The following ANK2 variants were observed in gnomAD, a reference collection of about 807,000 sequenced individuals.
ANK2 encodes ankyrin 2.
ANK2 carries 83 observed loss-of-function variants against 360.5 expected under a neutral mutation model. That is an observed-to-expected ratio of 0.23 (90% CI 0.19 to 0.28). The LOEUF (loss-of-function observed/expected upper bound fraction) is 0.28. Ranked by LOEUF, ANK2 falls within the 10% of genes least tolerant of loss-of-function variation. The pLI is 1.00. For synonymous variants in ANK2, 1,740 were observed against 1,759.5 expected (o/e 0.99, Z 0.28); for missense variants, 4,201 against 4,795.7 (o/e 0.88, Z 3.66).
chr4:113,342,357 A>G (rs991061785), intron 33 of ANK2, among the ~76,000 whole-genome samples: 1 of 152,078 alleles, frequency 6.6e-6, no homozygotes. Context: ...CCATCAGTGT[A>G]GGTCTTTGGG....
chr4:112,865,115 G>A (rs1030815795), intron 1 of ANK2, among the ~76,000 whole-genome samples: 3 of 143,956 alleles, frequency 2.1e-5, no homozygotes, highest in African/African-American at 7.6e-5. Flanking sequence ...TAGCATTAGT[G>A]CAACATGTGG....
intron 22 of ANK2, among the ~76,000 whole-genome samples, chr4:113,297,332 C>CT (rs1436721050): frequency 1.3e-5 from 2 of 152,140 alleles, no homozygotes; most frequent in African/African-American, 4.8e-5. Flanking sequence ...AGTGCAGAAT[C>CT]TTTTTAAACT....
At chr4:112,948,857 A>T (rs1470824105) in intron 2 of ANK2, among the ~76,000 whole-genome samples, 2 of 152,166 alleles carry the variant, frequency 1.3e-5, no homozygotes, top group Non-Finnish European at 2.9e-5. Context: ...TGAGGGAATG[A>T]GGCTAGTGAG....
At chr4:113,302,336 C>T (rs1220736809) in intron 22 of ANK2, among the ~76,000 whole-genome samples, 2 of 152,216 alleles carry the variant, frequency 1.3e-5, no homozygotes, top group Non-Finnish European at 2.9e-5. Flanking sequence ...ATATCTTTCA[C>T]ATTATTTACA....
At chr4:112,724,095 C>G in the ANK2 span, among the ~76,000 whole-genome samples, 1 of 143,438 alleles carries the variant, frequency 7.0e-6, no homozygotes, top group Non-Finnish European at 1.5e-5. Flanking sequence ...GACAGAGTGT[C>G]GCTCTGTCAC....
chr4:112,916,027 G>T lies in ANK2; in HGVS notation c.21+11513G>T, dbSNP rs144892680. ...GTGTTTTTAATTGTCAGATATTATTGATATTTAGATGCTCCATTGAGAAAA... is the reference window on the plus strand; with the variant it reads ...GTGTTTTTAATTGTCAGATATTATTTATATTTAGATGCTCCATTGAGAAAA... On this transcript the variant is annotated intron_variant, in intron 2 of 30. Coordinates refer to the ANK2 transcript ENST00000503271. Among the ~76,000 whole-genome samples, 11 of 152,168 alleles carry T rather than the reference G, an allele frequency of 7.2e-5. No individual in the cohort carries two copies. In the East Asian group the frequency reaches 2.1e-3, roughly 29 times the overall value.
intron 2 of ANK2, among the ~76,000 whole-genome samples, chr4:113,191,235 C>T (rs1427001991): frequency 9.2e-5 from 14 of 152,008 alleles, no homozygotes; most frequent in African/African-American, 2.9e-4. Context: ...ACCAACTACT[C>T]GGGAGACGGA....
At chr4:113,002,620 C>T (rs1473302635) in intron 2 of ANK2, among the ~76,000 whole-genome samples, 2 of 152,228 alleles carry the variant, frequency 1.3e-5, no homozygotes, top group Non-Finnish European at 2.9e-5. Context: ...ACCTGTACTA[C>T]AGACCTTTGT....
intron 2 of ANK2, among the ~76,000 whole-genome samples, chr4:113,040,007 C>G (rs1189587285): frequency 6.6e-6 from 1 of 151,872 alleles, no homozygotes; most frequent in Non-Finnish European, 1.5e-5. Flanking sequence ...AAAATGTTTA[C>G]AGTAATAAAT....
chr4:113,039,546 C>G (rs899907871), intron 2 of ANK2, among the ~76,000 whole-genome samples: 72 of 151,448 alleles, frequency 4.8e-4, no homozygotes, highest in African/African-American at 1.7e-3. Flanking sequence ...TTTTTTTTCT[C>G]ACTCTCAGAG....
At chr4:113,277,440 G>T (rs1486485907) in intron 15 of ANK2, among the ~76,000 whole-genome samples, 3 of 152,162 alleles carry the variant, frequency 2.0e-5, no homozygotes, top group Non-Finnish European at 4.4e-5. Flanking sequence ...GTTATAAAAA[G>T]GATTGAAAGA....
intron 17 of ANK2, among the ~76,000 whole-genome samples, chr4:113,282,180 T>C (rs1264825774): frequency 6.6e-6 from 1 of 152,176 alleles, no homozygotes; most frequent in Non-Finnish European, 1.5e-5. Flanking sequence ...TGGTTCCAGA[T>C]AGCACACACA....
At chr4:113,165,838 G>A (rs1429345636) in intron 1 of ANK2, among the ~76,000 whole-genome samples, 3 of 152,086 alleles carry the variant, frequency 2.0e-5, no homozygotes, top group Non-Finnish European at 2.9e-5. Flanking sequence ...GCCTTAGATA[G>A]GTGTGGTAAG....
chr4:112,845,362 A>G (rs994425333), intron 1 of ANK2, among the ~76,000 whole-genome samples: 4 of 150,944 alleles, frequency 2.6e-5, no homozygotes, highest in Non-Finnish European at 4.4e-5. Context: ...TAACTTCAGG[A>G]TGCAGCAAAT....
intron 2 of ANK2, among the ~76,000 whole-genome samples, chr4:113,016,582 A>G (rs11098184): frequency 0.21 from 31,927 of 152,040 alleles, 4,499 homozygotes; most frequent in East Asian, 0.39. Flanking sequence ...TGATGAAGGC[A>G]TTAGCTGATT....
In ANK2 at chr4:113,355,050, G is replaced by A. The variant is rs773867500; in HGVS notation, c.6432G>A (p.Leu2144=). 1.4e-5 allele frequency: 22 copies of A among 1,613,934 alleles called. No homozygotes were observed. Among genetic ancestry groups the A allele is most frequent in the Middle Eastern group, 1.6e-4 (1 of 6,082 alleles). ...TCTCTGAGGTCATTAAGCAAGAGTT[G>A]GAAGACAATGACAAATACCAACAAT... The part of the protein sequence containing the change: ...TDFSEVIKQE[L]EDNDKYQQFR... Residue 2144 remains leucine (L), a synonymous_variant, in exon 38 of 46, where the codon TTG becomes TTA. Coordinates refer to ENST00000357077, the MANE Select transcript of ANK2 (RefSeq NM_001148.6).
the ANK2 span, among the ~76,000 whole-genome samples, chr4:112,760,738 G>A: frequency 6.6e-6 from 1 of 151,348 alleles, no homozygotes; most frequent in Non-Finnish European, 1.5e-5. Flanking sequence ...AGACTTAATG[G>A]GATTTCTTAT....
At chr4:113,015,008 G>A (rs944491867) in intron 2 of ANK2, among the ~76,000 whole-genome samples, 191 of 152,004 alleles carry the variant, frequency 1.3e-3, no homozygotes, top group Middle Eastern at 3.4e-3. Flanking sequence ...ACAGGCGCCC[G>A]CCACCACGCC....
intron 1 of ANK2, among the ~76,000 whole-genome samples, chr4:112,863,286 G>T (rs372278587): frequency 6.6e-6 from 1 of 151,980 alleles, no homozygotes; most frequent in Non-Finnish European, 1.5e-5. Flanking sequence ...AGAAATAGTG[G>T]CTATGTATGG....
Sources: allele counts gnomAD v4.1 joint callset (sites outside exome capture counted in the v4.1 genomes callset), GRCh38; gene constraint gnomAD v4.1.1; transcripts MANE v1.5; gene names NCBI Gene and HGNC (gene_info 2026-07-23, HGNC 2026-07-21).